Variants in LEPR observed in about 807,000 individuals in gnomAD.
LEPR encodes the protein OB receptor.
Under a neutral mutation model 114.7 loss-of-function variants are expected in LEPR, and 56 were observed. The observed-to-expected ratio is 0.49, with a 90% CI of 0.39 to 0.61. LEPR has a LOEUF of 0.61. Among genes scored for constraint, LEPR ranks in the 20% least tolerant of loss-of-function variants. The probability of loss-of-function intolerance (pLI) is 0.00; values close to 1 mark genes in which losing one functional copy is unlikely to be tolerated. For missense variants in LEPR, 1,202 were observed against 1,352.9 expected, an observed-to-expected ratio of 0.89 and a Z score of 1.75; for synonymous variants, 443 against 461.4, an observed-to-expected ratio of 0.96 and a Z score of 0.51.
At chr1:65,552,809 G>C (rs1312203054) in intron 2 of LEPR, among the ~76,000 whole-genome samples, 1 of 152,164 alleles carries the variant, frequency 6.6e-6, no homozygotes, top group Non-Finnish European at 1.5e-5. Flanking sequence ...TCTTCATAGT[G>C]TTGATGGTCT....
At chr1:65,444,565 T>TTCCCCC (rs1396356002) in intron 2 of LEPR, among the ~76,000 whole-genome samples, 1 of 124,452 alleles carries the variant, frequency 8.0e-6, no homozygotes, top group Non-Finnish European at 1.6e-5. Context: ...TTAACAAACT[T>TTCCCCC]TCAGAAGGGT....
At chr1:65,508,319 G>A (rs1418000341) in intron 2 of LEPR, among the ~76,000 whole-genome samples, 1 of 152,126 alleles carries the variant, frequency 6.6e-6, no homozygotes, top group African/African-American at 2.4e-5. Flanking sequence ...TATAGTTTCA[G>A]GTCCTATGTT....
chr1:65,571,971 CAAAA>C (rs72311704), intron 4 of LEPR, among the ~76,000 whole-genome samples: 5 of 60,656 alleles, frequency 8.2e-5, no homozygotes, highest in African/African-American at 3.4e-4. Flanking sequence ...CACCCCATCT[CAAAA>C]AAAAAAAAAA....
At chr1:65,463,276 G>C (rs1007103423) in intron 2 of LEPR, among the ~76,000 whole-genome samples, 8 of 152,042 alleles carry the variant, frequency 5.3e-5, no homozygotes, top group Non-Finnish European at 1.2e-4. Flanking sequence ...TTGGTTGTTT[G>C]TGTCAGGTTT....
At chr1:65,564,785 A>G (rs370044798) in intron 2 of LEPR, among the ~76,000 whole-genome samples, 6 of 152,288 alleles carry the variant, frequency 3.9e-5, no homozygotes, top group South Asian at 2.1e-4. Flanking sequence ...CTGGCACCCA[A>G]CACTCCTGAT....
At chr1:65,596,714 A>G (rs1656089411) in intron 7 of LEPR, 121 bp downstream of exon 7, 4 of 845,148 alleles carry the variant, frequency 4.7e-6, no homozygotes, top group Non-Finnish European at 7.4e-6. Flanking sequence ...AGAATGAATT[A>G]TAATTCAACA....
intron 2 of LEPR, chr1:65,493,789 T>A (rs372398706): frequency 2.3e-4 from 35 of 152,280 alleles, no homozygotes; most frequent in African/African-American, 7.9e-4. Context: ...CTACCTGGTA[T>A]AATCAATTAA....
chr1:65,639,994 A>G lies in LEPR; in HGVS notation c.*2979A>G, dbSNP rs1049677021. The G allele has an allele frequency of 2.0e-5, 3 of 152,168 alleles. No individual in the cohort carries two copies. The highest frequency in any genetic ancestry group is 4.8e-5 in the African/African-American group (2 of 41,436). The allele number at this position is 152,168 out of a possible 1,614,324, so 9.4% of individuals were successfully genotyped here. A position where few individuals can be genotyped will look rare whatever the true frequency, so the allele number is the denominator to read the frequency against. ...TTTTAAACCTAGTCACCAAATGGTA[A>G]AAGGACTTGGATGAAATTCCAATAC... On this transcript the variant is annotated 3_prime_UTR_variant, in exon 20 of 20. Transcript: ENST00000349533.
intron 2 of LEPR, among the ~76,000 whole-genome samples, chr1:65,464,705 C>G (rs1646987788): frequency 6.6e-6 from 1 of 152,078 alleles, no homozygotes; most frequent in Non-Finnish European, 1.5e-5. Context: ...ATTTCAGAAC[C>G]TGTTATTGGT....
chr1:65,540,386 G>T (rs970688069), intron 2 of LEPR, among the ~76,000 whole-genome samples: 3 of 152,094 alleles, frequency 2.0e-5, no homozygotes, highest in African/African-American at 7.2e-5. Flanking sequence ...TCATGGGGTG[G>T]GTCCCTCACG....
chr1:65,605,295 G>A, intron 11 of LEPR, 58 bp downstream of exon 11: 1 of 1,598,928 alleles, frequency 6.3e-7, no homozygotes. Context: ...GCAGATTGAT[G>A]CAGATTTAAT....
intron 2 of LEPR, among the ~76,000 whole-genome samples, chr1:65,525,394 T>C (rs903520130): frequency 6.6e-6 from 1 of 152,162 alleles, no homozygotes; most frequent in Non-Finnish European, 1.5e-5. Flanking sequence ...TGAGTTCGCC[T>C]GGGCTCTCGG....
At chr1:65,493,470 C>G (rs1387476480) in intron 2 of LEPR, among the ~76,000 whole-genome samples, 2 of 152,060 alleles carry the variant, frequency 1.3e-5, no homozygotes, top group African/African-American at 2.4e-5. Context: ...CAGGCTTTCC[C>G]TCTTTTTTCT....
chr1:65,467,012 C>A (rs761050225), intron 2 of LEPR, among the ~76,000 whole-genome samples: 40 of 152,124 alleles, frequency 2.6e-4, no homozygotes, highest in Non-Finnish European at 5.3e-4. Flanking sequence ...TTATTACCGA[C>A]CTTCTGAAGC....
intron 3 of LEPR, among the ~76,000 whole-genome samples, chr1:65,565,891 A>G (rs1653716292): frequency 6.6e-6 from 1 of 152,094 alleles, no homozygotes; most frequent in African/African-American, 2.4e-5. Flanking sequence ...TCACACACAC[A>G]CATACACAGA....
At chr1:65,595,871 A>G (rs1656028315) in intron 6 of LEPR, among the ~76,000 whole-genome samples, 1 of 152,090 alleles carries the variant, frequency 6.6e-6, no homozygotes, top group Admixed American at 6.6e-5. Context: ...AACATTTTTA[A>G]TATTCTGAGA....
At chr1:65,422,402 C>A (rs10889549) in intron 1 of LEPR, among the ~76,000 whole-genome samples, 70,355 of 151,990 alleles carry the variant, frequency 0.46, 16,792 homozygotes, top group East Asian at 0.86. Context: ...CTACAGCCTT[C>A]AGAGGGAGTG....
chr1:65,459,612 A>C (rs1356459269), intron 2 of LEPR, among the ~76,000 whole-genome samples: 1 of 152,204 alleles, frequency 6.6e-6, no homozygotes, highest in African/African-American at 2.4e-5. Flanking sequence ...AACAAAGGGA[A>C]ATGTTCACAG....
chr1:65,517,156 C>T lies in LEPR; in HGVS notation c.-20-48390C>T, dbSNP rs79347876. On this transcript the variant is annotated intron_variant, in intron 2 of 19. Coordinates refer to ENST00000349533, the MANE Select transcript of LEPR (RefSeq NM_002303.6). ...TACGGTGTATAAAGCTGGTCAAAGT[C>T]AAGAAAACTTTGGTAAATACTCCTG... Among the ~76,000 whole-genome samples, 878 of 152,298 alleles carry T rather than the reference C, an allele frequency of 5.8e-3. 5 individuals are homozygous for T. Among genetic ancestry groups the T allele is most frequent in the South Asian group, 0.017 (80 of 4,824 alleles).
Sources: gnomAD v4.1 joint callset for allele counts (sites outside exome capture counted in the v4.1 genomes callset) on GRCh38, gnomAD v4.1.1 for gene constraint, MANE v1.5 for transcripts, NCBI Gene and HGNC (gene_info 2026-07-23, HGNC 2026-07-21) for gene names.